The following GALNTL6 variants were observed in gnomAD, a reference collection of about 807,000 sequenced individuals.
GALNTL6 encodes the protein polypeptide N-acetylgalactosaminyltransferase like 6, also known as polypeptide N-acetylgalactosaminyltransferase-like 6.
In GALNTL6, 46 loss-of-function variants were observed where a neutral mutation model predicts 73.7. That is an observed-to-expected ratio of 0.62 (90% CI 0.49 to 0.80). GALNTL6 has a LOEUF of 0.80. GALNTL6 is among the 30% of genes least tolerant of loss of function. The pLI is 0.00. For missense variants in GALNTL6, 604 were observed against 755.0 expected (o/e 0.80, Z 2.34); for synonymous variants, 259 against 263.7 (o/e 0.98, Z 0.17).
chr4:171,965,092 G>C (rs1478867622), intron 2 of GALNTL6, among the ~76,000 whole-genome samples: 1 of 152,122 alleles, frequency 6.6e-6, no homozygotes, highest in Non-Finnish European at 1.5e-5. Context: ...TTACCATTCT[G>C]CCTTAGAATG....
At chr4:171,838,338 G>A (rs1735155613) in intron 2 of GALNTL6, among the ~76,000 whole-genome samples, 1 of 151,962 alleles carries the variant, frequency 6.6e-6, no homozygotes, top group South Asian at 2.1e-4. Context: ...GGCCAGGCTG[G>A]TCTTGAACTC....
intron 10 of GALNTL6, among the ~76,000 whole-genome samples, chr4:172,955,296 G>A (rs1561054078): frequency 6.6e-6 from 1 of 151,956 alleles, no homozygotes; most frequent in African/African-American, 2.4e-5. Context: ...TAGCCAACAT[G>A]GTGAAACCCT....
At chr4:172,049,771 G>T (rs11132923) in intron 2 of GALNTL6, among the ~76,000 whole-genome samples, 9,398 of 152,152 alleles carry the variant, frequency 0.062, 439 homozygotes, top group East Asian at 0.24. Context: ...ATCACCTGAG[G>T]TCAGGAGTTT....
At chr4:172,397,127 T>C (rs1743876904) in intron 5 of GALNTL6, among the ~76,000 whole-genome samples, 2 of 152,196 alleles carry the variant, frequency 1.3e-5, no homozygotes, top group African/African-American at 4.8e-5. Flanking sequence ...AGAGATAGTC[T>C]ATATGCTTGT....
chr4:172,448,129 G>A (rs1732091766), intron 5 of GALNTL6, among the ~76,000 whole-genome samples: 1 of 152,052 alleles, frequency 6.6e-6, no homozygotes. Context: ...GGGACAATCA[G>A]GAATAGAGCC....
intron 2 of GALNTL6, among the ~76,000 whole-genome samples, chr4:171,846,065 A>G (rs920668548): frequency 2.0e-5 from 3 of 152,094 alleles, no homozygotes; most frequent in African/African-American, 7.2e-5. Context: ...TGCCTTTCCC[A>G]TTTATTTTAT....
chr4:172,264,555 A>AAAATATATAT (rs1177859164), intron 3 of GALNTL6, among the ~76,000 whole-genome samples: 1 of 103,778 alleles, frequency 9.6e-6, no homozygotes, highest in Non-Finnish European at 2.0e-5. Flanking sequence ...ATATATGCCA[A>AAAATATATAT]ATATATATAT....
chr4:172,178,319 G>A (rs1446940169), intron 2 of GALNTL6, among the ~76,000 whole-genome samples: 3 of 151,922 alleles, frequency 2.0e-5, no homozygotes, highest in South Asian at 2.1e-4. Flanking sequence ...TAAGTTCTGG[G>A]ATACATGTGC....
intron 2 of GALNTL6, among the ~76,000 whole-genome samples, chr4:171,874,190 CATT>C (rs1380674388): frequency 6.6e-6 from 1 of 152,122 alleles, no homozygotes; most frequent in Admixed American, 6.5e-5. Context: ...GACTGACTCT[CATT>C]TTTTGTTTTT....
chr4:171,925,048 C>G (rs1737936927), intron 2 of GALNTL6, among the ~76,000 whole-genome samples: 1 of 152,090 alleles, frequency 6.6e-6, no homozygotes, highest in Non-Finnish European at 1.5e-5. Context: ...ATGAAATGCG[C>G]AGGAAAACTA....
chr4:172,119,908 A>G (rs942429149), intron 2 of GALNTL6, among the ~76,000 whole-genome samples: 2 of 152,204 alleles, frequency 1.3e-5, no homozygotes, highest in African/African-American at 4.8e-5. Flanking sequence ...TTTAAGCTAC[A>G]TGACTTAAAC....
At chr4:171,900,127 A>G (rs1330205883) in intron 2 of GALNTL6, among the ~76,000 whole-genome samples, 2 of 152,172 alleles carry the variant, frequency 1.3e-5, no homozygotes, top group Non-Finnish European at 2.9e-5. Context: ...CTAAACAGAT[A>G]TTTATATCAT....
At chr4:172,607,969 G>A (rs550145774) in intron 5 of GALNTL6, among the ~76,000 whole-genome samples, 13 of 151,956 alleles carry the variant, frequency 8.6e-5, no homozygotes, top group East Asian at 3.9e-4. Context: ...TGAATTTGGT[G>A]TATAAATGAT....
intron 2 of GALNTL6, among the ~76,000 whole-genome samples, chr4:171,905,916 G>A (rs1442883748): frequency 3.3e-5 from 5 of 150,318 alleles, no homozygotes; most frequent in African/African-American, 1.2e-4. Context: ...TGAAATGAAG[G>A]CAGAAATAAA....
chr4:172,039,567 A>G (rs1742028611), intron 2 of GALNTL6, among the ~76,000 whole-genome samples: 1 of 152,146 alleles, frequency 6.6e-6, no homozygotes, highest in South Asian at 2.1e-4. Context: ...ATGGAGAGAA[A>G]GCAGGAATCT....
chr4:172,397,609 C>T (rs959181223), intron 5 of GALNTL6, among the ~76,000 whole-genome samples: 7 of 144,516 alleles, frequency 4.8e-5, no homozygotes, highest in Admixed American at 1.4e-4. Context: ...AATGGAGTCT[C>T]GCTCTGTCGC....
rs143219214 is a variant in GALNTL6, at chr4:172,109,279, G to T, written c.139-120377G>T. ...TTATAATTTTTTTTCTTGCATAAAA[G>T]AATTGTACTCAGTCAAATGTAGCAA... On this transcript the variant is annotated intron_variant, in intron 2 of 12. Transcript: ENST00000506823. Among the ~76,000 whole-genome samples the T allele has an allele frequency of 8.5e-3, 1,295 of 151,748 alleles. 5 individuals are homozygous for T. The highest frequency in any genetic ancestry group is 0.016 in the Admixed American group (250 of 15,242).
chr4:172,828,303 A>C (rs868617538), intron 7 of GALNTL6, among the ~76,000 whole-genome samples: 3 of 151,822 alleles, frequency 2.0e-5, no homozygotes, highest in Non-Finnish European at 4.4e-5. Context: ...CAAACAAAAA[A>C]AACATTGAAG....
chr4:172,273,763 G>A (rs1481799908), intron 3 of GALNTL6, among the ~76,000 whole-genome samples: 7 of 152,162 alleles, frequency 4.6e-5, no homozygotes, highest in African/African-American at 1.2e-4. Context: ...TAGTGGGACC[G>A]AAGGGTGGAT....
Sources: allele counts gnomAD v4.1 joint callset (sites outside exome capture counted in the v4.1 genomes callset), GRCh38; gene constraint gnomAD v4.1.1; transcripts MANE v1.5; gene names NCBI Gene and HGNC (gene_info 2026-07-23, HGNC 2026-07-21).